IPMK: variants seen among roughly 807,000 people sequenced by gnomAD.
The protein encoded by IPMK is inositol polyphosphate multikinase, also known as inositol 1,3,4,6-tetrakisphosphate 5-kinase.
Under a neutral mutation model 45.8 loss-of-function variants are expected in IPMK, and 17 were observed. The ratio of observed to expected loss-of-function variants is 0.37; its 90% confidence interval spans 0.25 to 0.56. The LOEUF is 0.56. Ranked by LOEUF, IPMK falls within the 20% of genes least tolerant of loss-of-function variation. The pLI, the probability that IPMK is intolerant of heterozygous loss-of-function variation, is 0.79. For missense variants in IPMK, 399 were observed against 498.0 expected (o/e 0.80, Z 1.89); for synonymous variants, 180 against 184.3 (o/e 0.98, Z 0.19).
At position 58,195,822 on chromosome 10, in the gene IPMK, T is replaced by C. The variant is rs769627565; in HGVS notation, c.*254A>G. The C allele has an allele frequency of 3.5e-5, 13 of 369,770 alleles. No homozygotes were observed. Among genetic ancestry groups the C allele is most frequent in the East Asian group, 4.8e-5 (1 of 20,728 alleles). The allele number at this position is 369,770 out of a possible 1,614,324, so 22.9% of individuals were successfully genotyped here. The stretch of plus-strand genomic sequence containing the variant: ...TGCATTTTGCTTGAGCCAAAAAAGA[T>C]GTTTAAGCCATGTACCACCACATTC... On this transcript the variant is annotated 3_prime_UTR_variant, in exon 6 of 6. Transcript: ENST00000373935.
chr10:58,247,236 A>C lies in IPMK; in HGVS notation c.191-9422T>G, dbSNP rs532162530. ...TGTAAACTAGTTCAACCATTGTGGA[A>C]GTCAGTGTGGCGATTCCTCAGGGAT... is the stretch of plus-strand genomic sequence containing the variant. On this transcript the variant is annotated intron_variant, in intron 1 of 5. Coordinates refer to ENST00000373935, the MANE Select transcript of IPMK (RefSeq NM_152230.5). 2.1e-4 allele frequency among the ~76,000 whole-genome samples: 31 copies of C among 149,482 alleles called. No homozygotes were observed. In the South Asian group the frequency reaches 6.5e-3, roughly 32 times the overall value.
chr10:58,196,189 C>T lies in IPMK; in HGVS notation c.1138G>A (p.Glu380Lys), dbSNP rs201334665. 1 of 1,614,126 alleles carries T rather than the reference C, an allele frequency of 6.2e-7. No homozygotes were observed. The change falls in exon 6 of 6, where the codon GAA (glutamate) becomes AAA (lysine). Residue 380 changes from glutamate (E) to lysine (K), a missense_variant. Glu to Lys is a moderately conservative substitution (Grantham distance 56, BLOSUM62 1). Transcript: ENST00000373935. Reference protein sequence around the residue: ...PTGCQEIAEVEVRMIDFAHVF... With the variant: ...PTGCQEIAEVKVRMIDFAHVF... Reference sequence around the variant, plus strand: ...TGAGCAAAATCTATCATTCGCACTTCTACTTCAGCAATCTCTTGGCAACCA... The same window carrying T: ...TGAGCAAAATCTATCATTCGCACTTTTACTTCAGCAATCTCTTGGCAACCA...
chr10:58,217,688 CAA>C (rs11393849), intron 3 of IPMK, among the ~76,000 whole-genome samples: 8 of 49,264 alleles, frequency 1.6e-4, no homozygotes, highest in South Asian at 8.7e-4. Flanking sequence ...AACTCCATCT[CAA>C]AAAAAAAAAA....
In IPMK at chr10:58,195,053, G is replaced by C. The variant is rs1048441548; in HGVS notation, c.*1023C>G. The C allele has an allele frequency of 6.6e-6, 1 of 151,908 alleles. No individual in the cohort carries two copies. The highest frequency in any genetic ancestry group is 1.5e-5 in the Non-Finnish European group (1 of 67,868). 9.4% of individuals were successfully genotyped at this position (151,908 alleles called of 1,614,324 possible). On this transcript the variant is annotated 3_prime_UTR_variant, in exon 6 of 6. Transcript: ENST00000373935. Reference sequence around the variant, plus strand: ...TATATTACGGACTAATTTACACACAGTATTTTTGATAACAACCTAATTAGA... The same window carrying C: ...TATATTACGGACTAATTTACACACACTATTTTTGATAACAACCTAATTAGA...
At chr10:58,257,652 G>A (rs748280996) in intron 1 of IPMK, among the ~76,000 whole-genome samples, 11 of 152,050 alleles carry the variant, frequency 7.2e-5, no homozygotes, top group African/African-American at 1.4e-4. Context: ...CAGAGAATCC[G>A]AAACAGACTG....
At chr10:58,212,909 T>G (rs897784638) in intron 4 of IPMK, 2 of 231,870 alleles carry the variant, frequency 8.6e-6, no homozygotes, top group Non-Finnish European at 1.9e-5. Context: ...TCATCAGTGT[T>G]ACCCTCTGTC....
Position 58,196,532 on chromosome 10 carries a change from A to C in IPMK, c.795T>G (p.Thr265=). Residue 265 remains threonine, a synonymous_variant, in exon 6 of 6, where the codon ACT becomes ACG. Coordinates refer to ENST00000373935, the MANE Select transcript of IPMK (RefSeq NM_152230.5). Reference sequence around the variant, plus strand: ...CCAAAGTTCTGTCATTCAATTTTGTAGTGGTTGGCTGAGATGAACCTTCAT... The same window carrying C: ...CCAAAGTTCTGTCATTCAATTTTGTCGTGGTTGGCTGAGATGAACCTTCAT... The part of the protein sequence containing the change: ...FVYEGSSQPT[T]TKLNDRTLAE... 4 of 1,614,000 alleles carry C rather than the reference A, an allele frequency of 2.5e-6. No individual in the cohort carries two copies. The highest frequency in any genetic ancestry group is 2.5e-6 in the Non-Finnish European group (3 of 1,179,990).
intron 1 of IPMK, among the ~76,000 whole-genome samples, chr10:58,252,614 T>TC (rs1838900631): frequency 8.6e-6 from 1 of 116,086 alleles, no homozygotes; most frequent in Admixed American, 8.2e-5. Flanking sequence ...TTCTTTTCTT[T>TC]TTTTTTTTTT....
chr10:58,229,321 T>G (rs1838470061), intron 2 of IPMK, among the ~76,000 whole-genome samples: 1 of 152,044 alleles, frequency 6.6e-6, no homozygotes, highest in South Asian at 2.1e-4. Context: ...TTTGGGAGGC[T>G]GAGGTAGGTG....
In IPMK at chr10:58,196,425, G is replaced by A. The variant is rs368295594; in HGVS notation, c.902C>T (p.Thr301Ile). 20 of 1,613,930 alleles carry A rather than the reference G, an allele frequency of 1.2e-5. No individual in the cohort carries two copies. In the Middle Eastern group the frequency reaches 1.2e-3, roughly 93 times the overall value. The stretch of plus-strand genomic sequence containing the variant: ...TGAAGACTCTATTTTTCCATTAGCT[G>A]TGGAACTTAACACATGAAAGTTATT... ...YNNNFHVLSS[T>I]ANGKIESSVG... The change falls in exon 6 of 6, where the codon ACA becomes ATA. Residue 301 changes from threonine to isoleucine, a missense_variant. By Grantham distance (89) the Thr-to-Ile change is moderately conservative (BLOSUM62 -1). This residue lies in a region of IPMK where 288 missense variants were observed against 398.0 expected (regional missense o/e 0.72). Transcript: ENST00000373935.
At chr10:58,246,848 A>G (rs1834030006) in intron 1 of IPMK, among the ~76,000 whole-genome samples, 1 of 151,704 alleles carries the variant, frequency 6.6e-6, no homozygotes, top group African/African-American at 2.4e-5. Flanking sequence ...AAAAGACACT[A>G]CCATCAGAGT....
intron 1 of IPMK, among the ~76,000 whole-genome samples, chr10:58,243,701 G>A (rs191281159): frequency 2.0e-5 from 3 of 152,170 alleles, no homozygotes; most frequent in Non-Finnish European, 2.9e-5. Context: ...GTGCAGTGGC[G>A]TGATCTCGGC....
chr10:58,259,688 C>CAAAAA (rs1839031849), intron 1 of IPMK, among the ~76,000 whole-genome samples: 1 of 85,650 alleles, frequency 1.2e-5, no homozygotes, highest in African/African-American at 7.1e-5. Context: ...AAAAAAAAAA[C>CAAAAA]AATTAGCCAG....
At chr10:58,201,911 A>G (rs1057457023) in intron 4 of IPMK, among the ~76,000 whole-genome samples, 5 of 152,228 alleles carry the variant, frequency 3.3e-5, no homozygotes, top group African/African-American at 1.2e-4. Context: ...ATAGAAGACC[A>G]AACCAGCCAC....
chr10:58,232,189 T>C (rs1838534362), intron 2 of IPMK, among the ~76,000 whole-genome samples: 1 of 152,180 alleles, frequency 6.6e-6, no homozygotes, highest in African/African-American at 2.4e-5. Flanking sequence ...AGGCAAGTCC[T>C]GAGAGACCTA....
At chr10:58,262,564 T>G (rs1241412862) in intron 1 of IPMK, among the ~76,000 whole-genome samples, 1 of 152,206 alleles carries the variant, frequency 6.6e-6, no homozygotes. Flanking sequence ...GTAACACAGA[T>G]CTTGGTTTCT....
chr10:58,242,475 AG>A (rs138406900), intron 1 of IPMK, among the ~76,000 whole-genome samples: 38,883 of 131,004 alleles, frequency 0.3, 6,969 homozygotes, highest in East Asian at 0.48. Flanking sequence ...AAAAAAAAAA[AG>A]AAAAGAAAAC....
chr10:58,247,095 C>A (rs1588969429), intron 1 of IPMK, among the ~76,000 whole-genome samples: 1 of 150,262 alleles, frequency 6.7e-6, no homozygotes, highest in Non-Finnish European at 1.5e-5. Context: ...CAAATCAAAA[C>A]CACAATGAGA....
At chr10:58,232,004 C>CA (rs1036457138) in intron 2 of IPMK, among the ~76,000 whole-genome samples, 15 of 150,686 alleles carry the variant, frequency 1.0e-4, no homozygotes, top group East Asian at 9.7e-4. Context: ...AAATGGAAAG[C>CA]AAAAAAAAGC....
Sources: allele counts gnomAD v4.1 joint callset (sites outside exome capture counted in the v4.1 genomes callset), GRCh38; gene constraint gnomAD v4.1.1; regional missense constraint gnomAD v4.1.1; transcripts MANE v1.5; gene names NCBI Gene and HGNC (gene_info 2026-07-23, HGNC 2026-07-21).